The following ZNF469 variants were observed in gnomAD, a reference collection of about 807,000 sequenced individuals.
The protein encoded by ZNF469 is zinc finger protein 469.
Under a neutral mutation model 1.0 loss-of-function variants are expected in ZNF469, and 1 was observed. That is an observed-to-expected ratio of 1.00 (90% CI 0.35 to 4.73). ZNF469 has a LOEUF of 4.73. Among genes scored for constraint, ZNF469 ranks in the 30% most tolerant of loss-of-function variants. ZNF469 has a pLI of 0.16. For missense variants in ZNF469, 6,100 were observed against 5,356.3 expected (o/e 1.14, Z -4.33); for synonymous variants, 2,703 against 2,363.4 (o/e 1.14, Z -4.17).
At position 88,430,498 on chromosome 16, in the gene ZNF469, C is replaced by T. The variant is rs1489233572; in HGVS notation, c.3028C>T (p.Pro1010Ser). 2 of 1,420,044 alleles carry T rather than the reference C, an allele frequency of 1.4e-6. No homozygotes were observed. Among genetic ancestry groups the T allele is most frequent in the Non-Finnish European group, 1.8e-6 (2 of 1,097,772 alleles). The allele number at this position is 1,420,044 out of a possible 1,614,324, so 88.0% of individuals were successfully genotyped here. Residue 1010 changes from proline to serine, a missense_variant, in exon 3 of 3, where the codon CCC becomes TCC. Pro to Ser is a moderately conservative substitution (Grantham distance 74). Coordinates refer to ENST00000565624, the MANE Select transcript of ZNF469 (RefSeq NM_001367624.2). ...QAPGSRADPA[P>S]RVPRAAALPE... ...CCCCGGGAGCCGCGCAGACCCCGCG[C>T]CCCGGGTCCCGAGAGCCGCCGCCCT...
At chr16:88,305,073 G>A in the ZNF469 span, among the ~76,000 whole-genome samples, 1 of 152,142 alleles carries the variant, frequency 6.6e-6, no homozygotes, top group Non-Finnish European at 1.5e-5. Flanking sequence ...CACCCACACA[G>A]AGCAAATGCA....
the ZNF469 span, among the ~76,000 whole-genome samples, chr16:88,350,479 G>A: frequency 6.6e-6 from 1 of 152,266 alleles, no homozygotes; most frequent in African/African-American, 2.4e-5. Flanking sequence ...ACCAGCACAT[G>A]ACCAGGCAGG....
chr16:88,434,628 G>A lies in ZNF469; in HGVS notation c.7158G>A (p.Gly2386=), dbSNP rs778636214. Residue 2386 remains glycine, a synonymous_variant, in exon 3 of 3, where the codon GGG becomes GGA. Coordinates refer to ENST00000565624, the MANE Select transcript of ZNF469 (RefSeq NM_001367624.2). ...AGGACCCAGGGACCCCTGAGACCGG[G>A]CGCTCTGGTGCTACCAAGATGCCCA... The part of the protein sequence containing the change: ...EPEDPGTPET[G]RSGATKMPRV... 31 of 1,550,126 alleles carry A rather than the reference G, an allele frequency of 2.0e-5. No homozygotes were observed. The East Asian group carries it at 2.2e-4, about 11-fold the overall frequency.
the ZNF469 span, among the ~76,000 whole-genome samples, chr16:88,346,349 C>T: frequency 1.3e-5 from 2 of 152,174 alleles, no homozygotes; most frequent in Admixed American, 1.3e-4. Context: ...CCACTAATCA[C>T]CAAAACAGAC....
the ZNF469 span, among the ~76,000 whole-genome samples, chr16:88,237,945 T>C: frequency 6.6e-6 from 1 of 152,226 alleles, no homozygotes; most frequent in Non-Finnish European, 1.5e-5. Flanking sequence ...TCCAATGGGC[T>C]TCTTCACCTA....
chr16:88,293,176 A>G, the ZNF469 span, among the ~76,000 whole-genome samples: 68,817 of 151,878 alleles, frequency 0.45, 17,176 homozygotes, highest in African/African-American at 0.69. Flanking sequence ...GTGGATGAAT[A>G]CATGGGTGGA....
the ZNF469 span, among the ~76,000 whole-genome samples, chr16:88,306,245 C>T: frequency 6.6e-6 from 1 of 152,234 alleles, no homozygotes; most frequent in African/African-American, 2.4e-5. Flanking sequence ...CCTCCAGGCA[C>T]CTCTTGCTCT....
chr16:88,135,094 A>G, the ZNF469 span, among the ~76,000 whole-genome samples: 1 of 152,184 alleles, frequency 6.6e-6, no homozygotes, highest in African/African-American at 2.4e-5. Flanking sequence ...GGGGCTCCTG[A>G]CCACCTGGGA....
chr16:88,264,238 C>A, the ZNF469 span, among the ~76,000 whole-genome samples: 1 of 152,096 alleles, frequency 6.6e-6, no homozygotes, highest in Non-Finnish European at 1.5e-5. Context: ...TCCTCCCACA[C>A]CGAAACCCAC....
At chr16:88,160,513 T>G in the ZNF469 span, among the ~76,000 whole-genome samples, 410 of 152,274 alleles carry the variant, frequency 2.7e-3, 3 homozygotes, top group African/African-American at 9.5e-3. Context: ...CGGTCTTTTC[T>G]GCGGGTGCGG....
At chr16:88,147,043 G>A in the ZNF469 span, among the ~76,000 whole-genome samples, 1 of 152,116 alleles carries the variant, frequency 6.6e-6, no homozygotes, top group South Asian at 2.1e-4. Context: ...GCAAACATGT[G>A]CCCTCACGTG....
Position 88,432,379 on chromosome 16 carries a change from C to A in ZNF469, c.4909C>A (p.Arg1637=), listed in dbSNP as rs575820215. ...LTRVGESTAH[R]EGAESAVATV... Reference sequence around the variant, plus strand: ...GCGCGTTGGAGAATCCACTGCACATCGGGAGGGTGCGGAATCGGCTGTGGC... The same window carrying A: ...GCGCGTTGGAGAATCCACTGCACATAGGGAGGGTGCGGAATCGGCTGTGGC... Residue 1637 remains arginine (R), a synonymous_variant, in exon 3 of 3, where the codon CGG becomes AGG. Transcript: ENST00000565624. 1.9e-6 allele frequency: 3 copies of A among 1,549,126 alleles called. No individual in the cohort carries two copies. The highest frequency in any genetic ancestry group is 2.6e-6 in the Non-Finnish European group (3 of 1,146,630).
the ZNF469 span, among the ~76,000 whole-genome samples, chr16:88,188,681 C>T: frequency 1.1e-4 from 17 of 152,166 alleles, no homozygotes; most frequent in South Asian, 1.5e-3. Flanking sequence ...GCCAGTGCCA[C>T]GGGTCTCCAG....
At chr16:88,153,921 A>G in the ZNF469 span, among the ~76,000 whole-genome samples, 1 of 152,054 alleles carries the variant, frequency 6.6e-6, no homozygotes, top group Non-Finnish European at 1.5e-5. Flanking sequence ...TCAGGGCCCC[A>G]CTCTCAAAGC....
chr16:88,156,080 T>C, the ZNF469 span, among the ~76,000 whole-genome samples: 5 of 152,252 alleles, frequency 3.3e-5, no homozygotes, highest in Admixed American at 3.3e-4. Context: ...CTTTTGCCCA[T>C]ATATTAATCA....
Position 88,438,325 on chromosome 16 carries a change from G to C in ZNF469, c.10855G>C (p.Val3619Leu), listed in dbSNP as rs111494864. 5.2e-6 allele frequency: 8 copies of C among 1,550,078 alleles called. No individual in the cohort carries two copies. Among genetic ancestry groups the C allele is most frequent in the Non-Finnish European group, 7.0e-6 (8 of 1,146,924 alleles). Reference sequence around the variant, plus strand: ...TGCGGAGGGAAAGAGGGCTCCTCTCGTGTTCTCAGGGAAACGCAGGGCCCC... The same window carrying C: ...TGCGGAGGGAAAGAGGGCTCCTCTCCTGTTCTCAGGGAAACGCAGGGCCCC... ...QDAEGKRAPL[V>L]FSGKRRAPGA... The change falls in exon 3 of 3, where the codon GTG becomes CTG. Residue 3619 changes from valine to leucine, a missense_variant. Transcript: ENST00000565624.
chr16:88,192,862 ACGG>A, the ZNF469 span, among the ~76,000 whole-genome samples: 19 of 136,094 alleles, frequency 1.4e-4, no homozygotes, highest in Middle Eastern at 4.6e-3. Context: ...GATGGTGATG[ACGG>A]TGGTGGTGAT....
At position 88,435,466 on chromosome 16, in the gene ZNF469, C is replaced by G. The variant is rs1196045779; in HGVS notation, c.7996C>G (p.Pro2666Ala). 6.5e-7 allele frequency: 1 copy of G among 1,549,604 alleles called. No homozygotes were observed. Residue 2666 changes from proline (P) to alanine (A), a missense_variant, in exon 3 of 3, where the codon CCT becomes GCT. Transcript: ENST00000565624. ...AGATGGGCGCGGCTCCAGACCATCCCCTGCAATGGCCAGTTACGCAGCCTC... is the reference window on the plus strand; with the variant it reads ...AGATGGGCGCGGCTCCAGACCATCCGCTGCAATGGCCAGTTACGCAGCCTC... ...ISDGRGSRPS[P>A]AMASYAASPS...
At chr16:88,142,346 G>A in the ZNF469 span, among the ~76,000 whole-genome samples, 1 of 152,238 alleles carries the variant, frequency 6.6e-6, no homozygotes, top group Admixed American at 6.5e-5. Context: ...TCACCTCCTG[G>A]CCCTGGCCCT....
Sources: allele counts gnomAD v4.1 joint callset (sites outside exome capture counted in the v4.1 genomes callset), GRCh38; gene constraint gnomAD v4.1.1; transcripts MANE v1.5; gene names NCBI Gene and HGNC (gene_info 2026-07-23, HGNC 2026-07-21).